SMAP1: variants seen among roughly 807,000 people sequenced by gnomAD.
SMAP1 encodes the protein small ArfGAP 1.
In SMAP1, 24 loss-of-function variants were observed where a neutral mutation model predicts 58.5. The ratio of observed to expected loss-of-function variants is 0.41; its 90% CI spans 0.30 to 0.58. The LOEUF is 0.58. Ranked by LOEUF, SMAP1 falls within the 20% of genes least tolerant of loss-of-function variation. The probability of loss-of-function intolerance (pLI) is 0.29; values close to 1 mark genes in which losing one functional copy is unlikely to be tolerated. For synonymous variants in SMAP1, 216 were observed against 196.6 expected, an observed-to-expected ratio of 1.10 and a Z score of -0.82; for missense variants, 563 against 566.3, an observed-to-expected ratio of 0.99 and a Z score of 0.06.
intron 6 of SMAP1, among the ~76,000 whole-genome samples, chr6:70,820,764 C>T (rs1276693680): frequency 6.6e-6 from 1 of 151,678 alleles, no homozygotes; most frequent in Non-Finnish European, 1.5e-5. Context: ...TGAGAGAGAA[C>T]TTCCATCTAA....
intron 1 of SMAP1, among the ~76,000 whole-genome samples, chr6:70,704,949 A>G (rs1180040749): frequency 2.0e-4 from 31 of 152,222 alleles, no homozygotes. Flanking sequence ...GCATCCAAAG[A>G]CAAATATCTA....
rs538616627 is a variant in SMAP1 at position 70,776,363 on chromosome 6, T to A, written c.414+2938T>A. 3.3e-5 allele frequency among the ~76,000 whole-genome samples: 5 copies of A among 152,266 alleles called. No individual in the cohort carries two copies. The South Asian group carries it at 1.0e-3, about 32-fold the overall frequency. On this transcript the variant is annotated intron_variant, in intron 4 of 10. Transcript: ENST00000370455. ...GCCCAGCTAATTTTTGTATTTTTAG[T>A]AGAGACGGGGTTTTGCCATGTTGGC...
At chr6:70,788,164 A>G (rs1332737248) in intron 4 of SMAP1, among the ~76,000 whole-genome samples, 1 of 151,800 alleles carries the variant, frequency 6.6e-6, no homozygotes, top group Admixed American at 6.6e-5. Flanking sequence ...CATGGATGAA[A>G]CTGGAAACCA....
chr6:70,723,405 T>C (rs1768618159), intron 1 of SMAP1, among the ~76,000 whole-genome samples: 1 of 152,348 alleles, frequency 6.6e-6, no homozygotes, highest in East Asian at 1.9e-4. Context: ...TATTGTTCCC[T>C]TTACCTTAAT....
chr6:70,814,196 A>C (rs1190996813), intron 6 of SMAP1, among the ~76,000 whole-genome samples: 1 of 152,106 alleles, frequency 6.6e-6, no homozygotes, highest in Non-Finnish European at 1.5e-5. Context: ...GCCTCCTACT[A>C]TCAGCCTGGA....
At chr6:70,673,566 G>A (rs555439480) in intron 1 of SMAP1, among the ~76,000 whole-genome samples, 4 of 152,204 alleles carry the variant, frequency 2.6e-5, no homozygotes, top group Non-Finnish European at 5.9e-5. Context: ...CTTTTAAAGT[G>A]TAGTAATATT....
rs781555187 is a variant in SMAP1 at position 70,857,923 on chromosome 6, T to G, written c.963T>G (p.Gly321=). The change falls in exon 10 of 11, where the codon GGT becomes GGG. Residue 321 remains glycine, a splice_region_variant and synonymous_variant. Transcript: ENST00000370455. ...TGTIQQQSTP[G]VFMGPTNIPF... ...ATTCATTTTCTTTTTGTGGTGCAGG[T>G]GTATTTATGGGACCCACAAATATAC... The G allele has an allele frequency of 1.9e-6, 3 of 1,613,592 alleles. No individual in the cohort carries two copies. Among genetic ancestry groups the G allele is most frequent in the Non-Finnish European group, 2.5e-6 (3 of 1,179,674 alleles).
intron 7 of SMAP1, among the ~76,000 whole-genome samples, chr6:70,845,172 T>G (rs1319997344): frequency 1.3e-5 from 2 of 152,114 alleles, no homozygotes; most frequent in African/African-American, 4.8e-5. Context: ...CATGTTGCTC[T>G]TTGACATTTT....
chr6:70,772,124 C>T (rs1582154976), intron 3 of SMAP1, among the ~76,000 whole-genome samples: 2 of 152,204 alleles, frequency 1.3e-5, no homozygotes, highest in East Asian at 1.9e-4. Flanking sequence ...AGCTTGAGTA[C>T]CCATAGAAAA....
At chr6:70,742,217 G>T (rs180767360) in intron 2 of SMAP1, among the ~76,000 whole-genome samples, 18 of 152,230 alleles carry the variant, frequency 1.2e-4, no homozygotes, top group African/African-American at 3.9e-4. Context: ...CTTTCCTATC[G>T]CATCATCAGA....
intron 5 of SMAP1, among the ~76,000 whole-genome samples, chr6:70,796,687 A>C (rs1164044716): frequency 6.6e-6 from 1 of 152,080 alleles, no homozygotes; most frequent in African/African-American, 2.4e-5. Flanking sequence ...AACTATCCCA[A>C]CTTTCTAGAT....
chr6:70,709,729 GT>G (rs1026404513), intron 1 of SMAP1, among the ~76,000 whole-genome samples: 1 of 151,960 alleles, frequency 6.6e-6, no homozygotes, highest in African/African-American at 2.4e-5. Context: ...AAATTTTACA[GT>G]TTTTTTCTTT....
chr6:70,734,499 TG>T (rs1182938263), intron 2 of SMAP1: 8 of 152,452 alleles, frequency 5.2e-5, no homozygotes, highest in African/African-American at 1.9e-4. Flanking sequence ...GGGGTAGCCA[TG>T]GCAGCTTGTG....
intron 1 of SMAP1, among the ~76,000 whole-genome samples, chr6:70,703,919 A>G (rs1289357368): frequency 6.6e-6 from 1 of 152,172 alleles, no homozygotes; most frequent in Admixed American, 6.5e-5. Flanking sequence ...AGCTGAGTTC[A>G]TTGTAAGGCT....
chr6:70,785,101 G>C (rs891494008), intron 4 of SMAP1, among the ~76,000 whole-genome samples: 2 of 152,152 alleles, frequency 1.3e-5, no homozygotes, highest in African/African-American at 4.8e-5. Flanking sequence ...ATAACAAACT[G>C]TCTCTCAGAC....
chr6:70,744,110 C>G (rs1391372805), intron 2 of SMAP1, among the ~76,000 whole-genome samples: 1 of 151,168 alleles, frequency 6.6e-6, no homozygotes, highest in African/African-American at 2.4e-5. Flanking sequence ...ATCACTATGT[C>G]AAAGGAGTGA....
chr6:70,771,866 C>G (rs187851934), intron 3 of SMAP1, among the ~76,000 whole-genome samples: 7 of 152,238 alleles, frequency 4.6e-5, no homozygotes, highest in Admixed American at 4.6e-4. Flanking sequence ...AGCTGTAGAC[C>G]GGAGCTGTTC....
intron 2 of SMAP1, among the ~76,000 whole-genome samples, chr6:70,745,322 C>G (rs1765984212): frequency 6.6e-6 from 1 of 152,210 alleles, no homozygotes; most frequent in African/African-American, 2.4e-5. Context: ...ACATGTAAGT[C>G]TTTAATCCAT....
chr6:70,819,742 G>A (rs189324658), intron 6 of SMAP1, among the ~76,000 whole-genome samples: 12 of 152,322 alleles, frequency 7.9e-5, no homozygotes, highest in Admixed American at 6.5e-4. Context: ...CATAAGAACA[G>A]TGTTATTTCC....
Sources: gnomAD v4.1 joint callset for allele counts (sites outside exome capture counted in the v4.1 genomes callset) on GRCh38, gnomAD v4.1.1 for gene constraint, MANE v1.5 for transcripts, NCBI Gene and HGNC (gene_info 2026-07-23, HGNC 2026-07-21) for gene names.